The following GPHN variants were observed in gnomAD, a reference collection of about 807,000 sequenced individuals.
The protein encoded by GPHN is gephyrin.
Under a neutral mutation model 95.5 loss-of-function variants are expected in GPHN, and 17 were observed. The observed-to-expected ratio is 0.18, with a 90% CI of 0.12 to 0.27. GPHN has a LOEUF of 0.27. GPHN is among the 10% of genes least tolerant of loss of function. The pLI is 1.00. For missense variants in GPHN, 660 were observed against 978.1 expected (o/e 0.67, Z 4.34); for synonymous variants, 320 against 322.5 (o/e 0.99, Z 0.08).
intron 4 of GPHN, among the ~76,000 whole-genome samples, chr14:66,864,807 A>G (rs1276490845): frequency 6.6e-6 from 1 of 152,132 alleles, no homozygotes; most frequent in Admixed American, 6.6e-5. Flanking sequence ...TTTCCAAGGA[A>G]TATCTGCACT....
the GPHN span, among the ~76,000 whole-genome samples, chr14:67,379,708 G>A: frequency 9.9e-4 from 124 of 125,472 alleles, 2 homozygotes; most frequent in East Asian, 0.015. Flanking sequence ...AGGCTGGAGT[G>A]CAGTGGCGGG....
chr14:67,183,928 C>T (rs1188913794), downstream of GPHN, among the ~76,000 whole-genome samples: 1 of 152,012 alleles, frequency 6.6e-6, no homozygotes, highest in African/African-American at 2.4e-5. Context: ...TCTCAACTCA[C>T]TGCAGCCTTG....
At chr14:66,632,883 A>G (rs2063896995) in intron 1 of GPHN, among the ~76,000 whole-genome samples, 1 of 152,150 alleles carries the variant, frequency 6.6e-6, no homozygotes, top group African/African-American at 2.4e-5. Context: ...GAACAACAAC[A>G]AAAAAGGAAT....
chr14:67,372,623 G>A, the GPHN span, among the ~76,000 whole-genome samples: 2 of 152,176 alleles, frequency 1.3e-5, no homozygotes, highest in Non-Finnish European at 1.5e-5. Flanking sequence ...GAGGTCAGGA[G>A]ATTGAGACTA....
the GPHN span, chr14:67,557,145 G>A: frequency 1.4e-6 from 1 of 694,950 alleles, no homozygotes; most frequent in Non-Finnish European, 2.4e-6. Flanking sequence ...AGACTGCCCT[G>A]GGTAAGGGCT....
At chr14:67,213,490 G>A in the GPHN span, among the ~76,000 whole-genome samples, 11 of 151,028 alleles carry the variant, frequency 7.3e-5, no homozygotes, top group Non-Finnish European at 1.6e-4. Context: ...CAAAGGACAT[G>A]AACTCATCAT....
Position 66,932,334 on chromosome 14 carries a change from G to T in GPHN, c.828+8042G>T, listed in dbSNP as rs560017746. On this transcript the variant is annotated intron_variant, in intron 8 of 22. Transcript: ENST00000478722. ...TTGGGTCACTCCTAAAACCAGCCCAGTACTGGGTCTTGCCCAAGGCCTGTG... is the reference window on the plus strand; with the variant it reads ...TTGGGTCACTCCTAAAACCAGCCCATTACTGGGTCTTGCCCAAGGCCTGTG... 4.1e-4 allele frequency among the ~76,000 whole-genome samples: 61 copies of T among 150,124 alleles called. 1 individual carries two copies. In the South Asian group the frequency reaches 0.013, roughly 32 times the overall value.
chr14:67,306,780 G>A, the GPHN span, among the ~76,000 whole-genome samples: 5 of 152,178 alleles, frequency 3.3e-5, no homozygotes, highest in Non-Finnish European at 5.9e-5. Context: ...CATTGAGGCT[G>A]TCCAGAAAGG....
the GPHN span, among the ~76,000 whole-genome samples, chr14:67,653,126 T>C: frequency 6.6e-6 from 1 of 152,232 alleles, no homozygotes; most frequent in East Asian, 1.9e-4. Flanking sequence ...TAGGAAGCTG[T>C]TATTCCCATG....
the GPHN span, among the ~76,000 whole-genome samples, chr14:67,245,648 A>G: frequency 7.2e-5 from 11 of 152,070 alleles, no homozygotes; most frequent in African/African-American, 2.2e-4. Flanking sequence ...CGCTGCCCCA[A>G]AAGTTTTATA....
chr14:66,508,211 T>G lies in GPHN; in HGVS notation c.-317T>G. ...CGCGCTCCGCAGAGCGTTCCGACACTCTCCGGCCTCGTTCTGCCGCCTCCG... is the reference window on the plus strand; with the variant it reads ...CGCGCTCCGCAGAGCGTTCCGACACGCTCCGGCCTCGTTCTGCCGCCTCCG... On this transcript the variant is annotated 5_prime_UTR_variant, in exon 1 of 23. Coordinates refer to ENST00000478722, the MANE Select transcript of GPHN (RefSeq NM_020806.5). 2 of 521,256 alleles carry G rather than the reference T, an allele frequency of 3.8e-6. No individual in the cohort carries two copies. The highest frequency in any genetic ancestry group is 7.0e-6 in the Non-Finnish European group (2 of 287,006). The allele number at this position is 521,256 out of a possible 1,614,324, so 32.3% of individuals were successfully genotyped here.
At chr14:67,426,736 C>T in the GPHN span, among the ~76,000 whole-genome samples, 8 of 152,170 alleles carry the variant, frequency 5.3e-5, no homozygotes, top group South Asian at 6.2e-4. Flanking sequence ...CCACCATGCC[C>T]GGCTAATTTT....
At chr14:67,193,170 A>ATCTG in the GPHN span, among the ~76,000 whole-genome samples, 1 of 141,740 alleles carries the variant, frequency 7.1e-6, no homozygotes, top group Non-Finnish European at 1.5e-5. Flanking sequence ...ATAGACATCT[A>ATCTG]TATATCTCTA....
chr14:66,648,721 C>G (rs569871880), intron 1 of GPHN, among the ~76,000 whole-genome samples: 3 of 152,200 alleles, frequency 2.0e-5, no homozygotes, highest in South Asian at 4.2e-4. Flanking sequence ...TGTTGTTAAG[C>G]AATGCATGAC....
chr14:67,716,670 G>A, the GPHN span, among the ~76,000 whole-genome samples: 1 of 152,184 alleles, frequency 6.6e-6, no homozygotes, highest in African/African-American at 2.4e-5. Flanking sequence ...TACGACTTGA[G>A]GCCAGGAATT....
At chr14:66,977,106 A>G (rs1316088055) in intron 9 of GPHN, among the ~76,000 whole-genome samples, 1 of 152,222 alleles carries the variant, frequency 6.6e-6, no homozygotes, top group African/African-American at 2.4e-5. Context: ...CCTTTCATAC[A>G]CATGTGTTGT....
Position 67,110,175 on chromosome 14 carries a change from G to A in GPHN, c.1329G>A (p.Arg443=). The stretch of plus-strand genomic sequence containing the variant: ...CAGTAATGCCAGGACAAGTCATGCG[G>A]GTTACAACAGGTGCTCCAATACCCT... The part of the protein sequence containing the change: ...TQTVMPGQVM[R]VTTGAPIPCG... Residue 443 remains arginine (R), a synonymous_variant, in exon 14 of 23, where the codon CGG becomes CGA. Coordinates refer to ENST00000478722, the MANE Select transcript of GPHN (RefSeq NM_020806.5). The A allele has an allele frequency of 3.7e-6, 6 of 1,612,322 alleles. No homozygotes were observed. Among genetic ancestry groups the A allele is most frequent in the Non-Finnish European group, 5.1e-6 (6 of 1,178,406 alleles).
At chr14:66,904,323 C>T (rs926782994) in intron 5 of GPHN, among the ~76,000 whole-genome samples, 1 of 152,030 alleles carries the variant, frequency 6.6e-6, no homozygotes, top group Non-Finnish European at 1.5e-5. Flanking sequence ...TTGTCCCCGC[C>T]CATGTCCTGC....
intron 4 of GPHN, among the ~76,000 whole-genome samples, chr14:66,867,921 G>A (rs72728693): frequency 0.044 from 6,706 of 152,208 alleles, 190 homozygotes; most frequent in Middle Eastern, 0.068. Context: ...AAACTTGATA[G>A]AAATGTAAAT....
Sources: allele counts gnomAD v4.1 joint callset (sites outside exome capture counted in the v4.1 genomes callset), GRCh38; gene constraint gnomAD v4.1.1; transcripts MANE v1.5; gene names NCBI Gene and HGNC (gene_info 2026-07-23, HGNC 2026-07-21).